The following KCNN2 variants were observed in gnomAD, a reference collection of about 807,000 sequenced individuals.
KCNN2 encodes the protein small conductance calcium-activated potassium channel protein 2.
KCNN2 carries 24 observed loss-of-function variants against 55.5 expected under a neutral mutation model. That is an observed-to-expected ratio of 0.43 (90% CI 0.31 to 0.61). KCNN2 has a LOEUF of 0.61. Among genes scored for constraint, KCNN2 ranks in the 20% least tolerant of loss-of-function variants. KCNN2 has a pLI of 0.08. For synonymous variants in KCNN2, 431 were observed against 336.1 expected, an observed-to-expected ratio of 1.28 and a Z score of -3.09; for missense variants, 754 against 853.6, an observed-to-expected ratio of 0.88 and a Z score of 1.45.
At chr5:114,096,550 C>T (rs766646005) in intron 1 of KCNN2, among the ~76,000 whole-genome samples, 13 of 152,072 alleles carry the variant, frequency 8.5e-5, no homozygotes, top group Non-Finnish European at 1.6e-4. Context: ...CTCTGTCAGG[C>T]GCTATGGTGC....
intron 1 of KCNN2, among the ~76,000 whole-genome samples, chr5:114,105,045 G>A (rs1444758480): frequency 6.6e-6 from 1 of 152,008 alleles, no homozygotes; most frequent in African/African-American, 2.4e-5. Flanking sequence ...ATTGCAACAG[G>A]TTCATTCATC....
At chr5:114,247,959 C>T (rs114220933) in intron 2 of KCNN2, among the ~76,000 whole-genome samples, 1 of 151,858 alleles carries the variant, frequency 6.6e-6, no homozygotes, top group African/African-American at 2.4e-5. Flanking sequence ...TTGTGTTTTC[C>T]ACCTGAGACT....
rs10463660 is a variant in KCNN2, at chr5:114,343,565, G to C, written c.-184-17380G>C. The stretch of plus-strand genomic sequence containing the variant: ...GTATTTTAGGGTCTGCTTTACTAGG[G>C]GTTAGATGCAGAAAGGAGAGAGGGG... On this transcript the variant is annotated intron_variant, in intron 2 of 10. Coordinates refer to the KCNN2 transcript ENST00000512097. Among the ~76,000 whole-genome samples, 21 of 152,184 alleles carry C rather than the reference G, an allele frequency of 1.4e-4. No individual in the cohort carries two copies. In the East Asian group the frequency reaches 2.9e-3, roughly 21 times the overall value.
intron 2 of KCNN2, among the ~76,000 whole-genome samples, chr5:114,299,476 A>T (rs900662426): frequency 6.6e-6 from 1 of 152,210 alleles, no homozygotes; most frequent in Non-Finnish European, 1.5e-5. Context: ...TAAAGAGCTT[A>T]AACACAATTC....
chr5:114,399,764 T>A (rs1758727600), intron 2 of KCNN2, among the ~76,000 whole-genome samples: 1 of 152,180 alleles, frequency 6.6e-6, no homozygotes, highest in African/African-American at 2.4e-5. Context: ...GGCTTTTTAT[T>A]ACTGATTCCA....
intron 1 of KCNN2, among the ~76,000 whole-genome samples, chr5:114,182,812 T>C (rs886451700): frequency 1.3e-5 from 2 of 152,154 alleles, no homozygotes; most frequent in Admixed American, 6.5e-5. Flanking sequence ...CATTTGCATA[T>C]AGTGATAGTT....
intron 2 of KCNN2, among the ~76,000 whole-genome samples, chr5:114,279,915 A>C (rs1755585974): frequency 6.6e-6 from 1 of 152,218 alleles, no homozygotes; most frequent in South Asian, 2.1e-4. Flanking sequence ...CAGTCCCACC[A>C]ACAGTGTAAA....
At chr5:114,354,358 A>G (rs983801793) in intron 2 of KCNN2, among the ~76,000 whole-genome samples, 23 of 152,034 alleles carry the variant, frequency 1.5e-4, no homozygotes, top group African/African-American at 5.1e-4. Flanking sequence ...TGGGCATGTG[A>G]AGGAAGCTGG....
intron 2 of KCNN2, among the ~76,000 whole-genome samples, chr5:114,391,051 C>G (rs565809396): frequency 1.3e-5 from 2 of 152,180 alleles, no homozygotes; most frequent in African/African-American, 4.8e-5. Context: ...GTAGATAAAG[C>G]TCTTGCCTAA....
intron 1 of KCNN2, among the ~76,000 whole-genome samples, chr5:114,077,927 CA>C (rs771958258): frequency 2.0e-5 from 3 of 152,186 alleles, no homozygotes; most frequent in Non-Finnish European, 4.4e-5. Flanking sequence ...TTTAGTTAGA[CA>C]AATGTATTTG....
In KCNN2 at chr5:114,450,547, T is replaced by C. The variant is rs1032482574; in HGVS notation, c.1638-12502T>C. ...ATATTTTTTGATTTCCCAGAAAGTATCAGGGGCTTGAGAATATAATTCTCT... is the reference window on the plus strand; with the variant it reads ...ATATTTTTTGATTTCCCAGAAAGTACCAGGGGCTTGAGAATATAATTCTCT... On this transcript the variant is annotated intron_variant, in intron 3 of 7. Transcript: ENST00000673685. 6.6e-5 allele frequency among the ~76,000 whole-genome samples: 10 copies of C among 152,242 alleles called. No individual in the cohort carries two copies. The South Asian group carries it at 2.1e-3, about 31-fold the overall frequency.
chr5:114,127,422 A>G (rs1580537015), intron 1 of KCNN2, among the ~76,000 whole-genome samples: 1 of 152,238 alleles, frequency 6.6e-6, no homozygotes, highest in South Asian at 2.1e-4. Flanking sequence ...GGAAGCTTGC[A>G]CCCTCTGAAG....
intron 1 of KCNN2, among the ~76,000 whole-genome samples, chr5:114,109,123 T>G (rs1041587352): frequency 6.6e-6 from 1 of 151,996 alleles, no homozygotes; most frequent in Non-Finnish European, 1.5e-5. Flanking sequence ...GATGCTCAAA[T>G]GGGGAAGGAT....
At chr5:114,297,139 A>C (rs1756029155) in intron 2 of KCNN2, among the ~76,000 whole-genome samples, 1 of 152,146 alleles carries the variant, frequency 6.6e-6, no homozygotes, top group African/African-American at 2.4e-5. Flanking sequence ...TAATTTTACT[A>C]TTCAGATCAT....
chr5:114,306,671 A>C (rs1483776128), intron 2 of KCNN2, among the ~76,000 whole-genome samples: 1 of 150,366 alleles, frequency 6.7e-6, no homozygotes, highest in Non-Finnish European at 1.5e-5. Flanking sequence ...CCCACCTTTC[A>C]TCAGTTCACA....
chr5:114,074,153 C>G (rs983895028), intron 1 of KCNN2, among the ~76,000 whole-genome samples: 1 of 152,168 alleles, frequency 6.6e-6, no homozygotes, highest in Non-Finnish European at 1.5e-5. Context: ...ATTATTCAGA[C>G]TAGGTAAAAT....
intron 3 of KCNN2, among the ~76,000 whole-genome samples, chr5:114,419,703 C>T (rs1394609616): frequency 6.6e-6 from 1 of 152,114 alleles, no homozygotes; most frequent in Non-Finnish European, 1.5e-5. Context: ...ATAAAAACTA[C>T]CTTATTGGCC....
chr5:114,214,621 C>T (rs896114926), intron 1 of KCNN2, among the ~76,000 whole-genome samples: 2 of 152,046 alleles, frequency 1.3e-5, no homozygotes, highest in Non-Finnish European at 2.9e-5. Context: ...CCCCACAATT[C>T]CTGAGGTTTT....
Position 114,363,956 on chromosome 5 carries a change from C to T in KCNN2, c.1173C>T (p.Ile391=), listed in dbSNP as rs766196941. ...ALKCLISLST[I]ILLGLIIVYH... ...AATGCCTTATCAGTCTCTCCACGAT[C>T]ATCCTGCTCGGTCTGATCATCGTGT... The change falls in exon 2 of 8, where the codon ATC becomes ATT. Residue 391 remains isoleucine, a synonymous_variant. Coordinates refer to ENST00000673685, the MANE Select transcript of KCNN2 (RefSeq NM_021614.4). 6.2e-7 allele frequency: 1 copy of T among 1,614,098 alleles called. No homozygotes were observed. The highest frequency in any genetic ancestry group is 1.1e-5 in the South Asian group (1 of 91,080).
Sources: gnomAD v4.1 joint callset for allele counts (sites outside exome capture counted in the v4.1 genomes callset) on GRCh38, gnomAD v4.1.1 for gene constraint, MANE v1.5 for transcripts, NCBI Gene and HGNC (gene_info 2026-07-23, HGNC 2026-07-21) for gene names.